Variants in KCNH5 observed in about 807,000 individuals in gnomAD.
KCNH5 encodes the protein voltage-gated delayed rectifier potassium channel KCNH5.
KCNH5 carries 46 observed loss-of-function variants against 96.1 expected under a neutral mutation model. That is an observed-to-expected ratio of 0.48 (90% CI 0.38 to 0.61). The LOEUF is 0.61. Among genes scored for constraint, KCNH5 ranks in the 20% least tolerant of loss-of-function variants. KCNH5 has a pLI of 0.00. For synonymous variants in KCNH5, 439 were observed against 449.8 expected (o/e 0.98, Z 0.30); for missense variants, 907 against 1,225.8 (o/e 0.74, Z 3.88).
At chr14:62,850,932 G>A (rs987528187) in intron 7 of KCNH5, among the ~76,000 whole-genome samples, 8 of 152,162 alleles carry the variant, frequency 5.3e-5, no homozygotes, top group African/African-American at 1.9e-4. Flanking sequence ...TTTGAAAAAT[G>A]ACTGTAAACA....
At chr14:62,949,587 G>T (rs1290574529) in intron 7 of KCNH5, among the ~76,000 whole-genome samples, 1 of 152,124 alleles carries the variant, frequency 6.6e-6, no homozygotes, top group Non-Finnish European at 1.5e-5. Flanking sequence ...TCTCATTGCT[G>T]AATGGGCTTA....
intron 2 of KCNH5, among the ~76,000 whole-genome samples, chr14:63,007,249 T>G (rs1891144253): frequency 6.6e-6 from 1 of 151,958 alleles, no homozygotes; most frequent in Non-Finnish European, 1.5e-5. Flanking sequence ...AAAAAAACCC[T>G]CCTTATTAAA....
intron 8 of KCNH5, among the ~76,000 whole-genome samples, chr14:62,822,455 AT>A (rs2140019081): frequency 6.6e-6 from 1 of 152,200 alleles, no homozygotes; most frequent in African/African-American, 2.4e-5. Flanking sequence ...AAACCCAGAA[AT>A]ATACGAACAC....
At chr14:62,864,238 G>C (rs1566686553) in intron 7 of KCNH5, among the ~76,000 whole-genome samples, 1 of 152,044 alleles carries the variant, frequency 6.6e-6, no homozygotes, top group Non-Finnish European at 1.5e-5. Flanking sequence ...CAATAACCCT[G>C]AATAATTTTT....
intron 8 of KCNH5, among the ~76,000 whole-genome samples, chr14:62,832,583 T>C (rs910727929): frequency 6.6e-6 from 1 of 152,164 alleles, no homozygotes; most frequent in Non-Finnish European, 1.5e-5. Flanking sequence ...AATATAAACA[T>C]CTGATATTTT....
intron 8 of KCNH5, among the ~76,000 whole-genome samples, chr14:62,814,011 T>C (rs1244887437): frequency 1.3e-5 from 2 of 152,184 alleles, no homozygotes; most frequent in Non-Finnish European, 2.9e-5. Flanking sequence ...AGGAACAATG[T>C]AGTGAATAAA....
At chr14:62,913,042 G>A (rs895036220) in intron 7 of KCNH5, among the ~76,000 whole-genome samples, 3 of 152,128 alleles carry the variant, frequency 2.0e-5, no homozygotes, top group Admixed American at 2.0e-4. Flanking sequence ...TACATAAAAT[G>A]ACTTCTAAAT....
chr14:62,786,714 T>C (rs1886327939), intron 9 of KCNH5, among the ~76,000 whole-genome samples: 1 of 152,204 alleles, frequency 6.6e-6, no homozygotes, highest in Non-Finnish European at 1.5e-5. Flanking sequence ...CAGCATGTGA[T>C]CATTTGATGT....
At chr14:62,810,234 T>G (rs894783062) in intron 8 of KCNH5, among the ~76,000 whole-genome samples, 10 of 152,020 alleles carry the variant, frequency 6.6e-5, no homozygotes, top group African/African-American at 2.2e-4. Flanking sequence ...CTGACTAAGC[T>G]CCTCTTTACC....
intron 10 of KCNH5, among the ~76,000 whole-genome samples, chr14:62,732,305 A>G (rs943837343): frequency 6.6e-6 from 1 of 152,132 alleles, no homozygotes; most frequent in African/African-American, 2.4e-5. Flanking sequence ...CCTTGGAGGA[A>G]ATAAAATTTT....
Position 63,016,922 on chromosome 14 carries a change from C to T in KCNH5, c.106G>A (p.Val36Met), listed in dbSNP as rs138796167. The T allele has an allele frequency of 6.2e-7, 1 of 1,606,336 alleles. No homozygotes were observed. The highest frequency in any genetic ancestry group is 1.3e-5 in the African/African-American group (1 of 74,566). Residue 36 changes from valine (V) to methionine (M), a missense_variant, in exon 2 of 11, where the codon GTG becomes ATG. Val to Met is a conservative substitution (Grantham distance 21). Around this residue, in one of 6 missense-constraint regions of KCNH5, gnomAD observed 370 missense variants for 561.3 expected, o/e 0.66. Transcript: ENST00000322893. ...TTACTATAAACTACAGGCCAATCCA[C>T]AATCTGGGCATTTCCCAGTAAGAAA... ...SSFLLGNAQIVDWPVVYSNDG... is the reference protein window; with the variant it reads ...SSFLLGNAQIMDWPVVYSNDG...
chr14:62,738,671 A>T (rs748361292), intron 10 of KCNH5, among the ~76,000 whole-genome samples: 2 of 152,182 alleles, frequency 1.3e-5, no homozygotes, highest in Non-Finnish European at 2.9e-5. Flanking sequence ...GGCATCTGAT[A>T]TCAACTCGAT....
intron 7 of KCNH5, among the ~76,000 whole-genome samples, chr14:62,941,680 T>G (rs1171437697): frequency 2.0e-5 from 3 of 152,178 alleles, no homozygotes; most frequent in African/African-American, 7.2e-5. Context: ...AAAATCAGCA[T>G]GTACACACTG....
At chr14:62,928,659 A>C (rs1566711317) in intron 7 of KCNH5, among the ~76,000 whole-genome samples, 1 of 152,116 alleles carries the variant, frequency 6.6e-6, no homozygotes. Context: ...TGCAAAATCC[A>C]ATGATCAATT....
intron 8 of KCNH5, among the ~76,000 whole-genome samples, chr14:62,811,495 A>G (rs1205602172): frequency 1.3e-5 from 2 of 152,112 alleles, no homozygotes; most frequent in Non-Finnish European, 2.9e-5. Context: ...CTGTCTAGTC[A>G]TCACTGATTT....
At chr14:62,710,752 C>A (rs1265825106) in intron 10 of KCNH5, among the ~76,000 whole-genome samples, 1 of 152,154 alleles carries the variant, frequency 6.6e-6, no homozygotes, top group Non-Finnish European at 1.5e-5. Flanking sequence ...TGGAGTGTGA[C>A]AAGTGGTAGG....
intron 10 of KCNH5, among the ~76,000 whole-genome samples, chr14:62,747,560 T>C (rs980148609): frequency 1.3e-5 from 2 of 152,178 alleles, no homozygotes; most frequent in Non-Finnish European, 1.5e-5. Context: ...AAATGATAGA[T>C]ATAATTCAGG....
At chr14:62,735,985 G>T (rs1191164194) in intron 10 of KCNH5, among the ~76,000 whole-genome samples, 1 of 152,178 alleles carries the variant, frequency 6.6e-6, no homozygotes, top group Admixed American at 6.5e-5. Flanking sequence ...GACAAGGAAG[G>T]ATTCTTCTCT....
At chr14:62,821,718 T>A (rs1032829511) in intron 8 of KCNH5, among the ~76,000 whole-genome samples, 11 of 151,970 alleles carry the variant, frequency 7.2e-5, no homozygotes, top group African/African-American at 2.7e-4. Context: ...AATATCAGAA[T>A]AAGTAAAAAT....
Sources: gnomAD v4.1 joint callset for allele counts (sites outside exome capture counted in the v4.1 genomes callset) on GRCh38, gnomAD v4.1.1 for gene constraint, gnomAD v4.1.1 regional missense constraint, MANE v1.5 for transcripts, NCBI Gene and HGNC (gene_info 2026-07-23, HGNC 2026-07-21) for gene names.